The following ATXN1 variants were observed in gnomAD, a reference collection of about 807,000 sequenced individuals.
ATXN1 encodes the protein ataxin-1.
In ATXN1, 8 loss-of-function variants were observed where a neutral mutation model predicts 56.4. The ratio of observed to expected loss-of-function variants is 0.14; its 90% CI spans 0.08 to 0.26. ATXN1 has a LOEUF of 0.26. Among genes scored for constraint, ATXN1 ranks in the 10% least tolerant of loss-of-function variants. ATXN1 has a pLI of 1.00. For missense variants in ATXN1, 987 were observed against 1,106.5 expected (o/e 0.89, Z 1.53); for synonymous variants, 514 against 494.6 (o/e 1.04, Z -0.52).
intron 1 of ATXN1, among the ~76,000 whole-genome samples, chr6:16,759,928 A>C (rs1761018790): frequency 6.6e-6 from 1 of 152,118 alleles, no homozygotes; most frequent in African/African-American, 2.4e-5. Context: ...TCAGCCAAGT[A>C]GCCAAGGAAG....
chr6:16,708,057 G>A (rs888847724), intron 2 of ATXN1, among the ~76,000 whole-genome samples: 1 of 151,914 alleles, frequency 6.6e-6, no homozygotes, highest in Non-Finnish European at 1.5e-5. Context: ...GTGGTGGGGG[G>A]GAAGAATGAT....
At chr6:16,308,108 C>T (rs1561844397) in intron 7 of ATXN1, among the ~76,000 whole-genome samples, 1 of 151,938 alleles carries the variant, frequency 6.6e-6, no homozygotes, top group South Asian at 2.1e-4. Context: ...GAGCCAAGAT[C>T]GTGCCACTTT....
intron 4 of ATXN1, among the ~76,000 whole-genome samples, chr6:16,541,549 C>T (rs914825220): frequency 4.6e-5 from 7 of 152,204 alleles, no homozygotes; most frequent in African/African-American, 1.4e-4. Flanking sequence ...TGCTCAAGGG[C>T]TTTGCACGCT....
intron 6 of ATXN1, among the ~76,000 whole-genome samples, chr6:16,421,523 C>T (rs369897153): frequency 1.2e-4 from 19 of 152,140 alleles, no homozygotes; most frequent in African/African-American, 4.6e-4. Flanking sequence ...TCTGAATGGG[C>T]ATTTTTCAAA....
chr6:16,314,090 C>T (rs1010415129), intron 7 of ATXN1, among the ~76,000 whole-genome samples: 5 of 152,316 alleles, frequency 3.3e-5, no homozygotes, highest in East Asian at 3.9e-4. Context: ...AGGCACAGAT[C>T]GGATAGCTTG....
At position 16,586,751 on chromosome 6, in the gene ATXN1, T is replaced by C. The variant is rs183011828; in HGVS notation, c.-488-844A>G. Reference sequence around the variant, plus strand: ...AAAACATATCGGGGCTGGGGCATGGTGGCTCATGCCTGTAATCCCAGCACT... The same window carrying C: ...AAAACATATCGGGGCTGGGGCATGGCGGCTCATGCCTGTAATCCCAGCACT... On this transcript the variant is annotated intron_variant, in intron 3 of 7. Coordinates refer to ENST00000436367, the MANE Select transcript of ATXN1 (RefSeq NM_001128164.2). 2.1e-3 allele frequency among the ~76,000 whole-genome samples: 316 copies of C among 152,322 alleles called. 1 individual carries two copies. Among genetic ancestry groups the C allele is most frequent in the African/African-American group, 7.3e-3 (302 of 41,574 alleles).
intron 6 of ATXN1, among the ~76,000 whole-genome samples, chr6:16,372,189 A>G (rs1762053563): frequency 1.3e-5 from 2 of 152,206 alleles, no homozygotes; most frequent in Non-Finnish European, 2.9e-5. Context: ...AAATGCCAAG[A>G]AGGAGATTGT....
At chr6:16,507,498 G>A (rs900534388) in intron 5 of ATXN1, among the ~76,000 whole-genome samples, 1 of 152,164 alleles carries the variant, frequency 6.6e-6, no homozygotes, top group Non-Finnish European at 1.5e-5. Context: ...GGCTTTTCCT[G>A]TATAGAAGCT....
At chr6:16,356,725 G>A (rs1013239713) in intron 6 of ATXN1, among the ~76,000 whole-genome samples, 1 of 152,146 alleles carries the variant, frequency 6.6e-6, no homozygotes, top group Non-Finnish European at 1.5e-5. Context: ...GGGTTATCCA[G>A]TTTTTAAAAA....
intron 6 of ATXN1, among the ~76,000 whole-genome samples, chr6:16,353,819 C>T (rs964842942): frequency 6.6e-6 from 1 of 152,214 alleles, no homozygotes; most frequent in South Asian, 2.1e-4. Flanking sequence ...TGCATGAGGA[C>T]ATTACAGTGA....
At chr6:16,552,156 G>A (rs550688689) in intron 4 of ATXN1, among the ~76,000 whole-genome samples, 6 of 152,302 alleles carry the variant, frequency 3.9e-5, no homozygotes, top group African/African-American at 1.2e-4. Context: ...CTACTCACAC[G>A]TGGAGAGGCT....
intron 3 of ATXN1, among the ~76,000 whole-genome samples, chr6:16,638,445 C>CAA (rs11310261): frequency 1.0e-3 from 97 of 92,400 alleles, no homozygotes; most frequent in African/African-American, 1.5e-3. Flanking sequence ...GACGCTGCCT[C>CAA]AAAAAAAAAA....
At chr6:16,430,726 C>T (rs374358519) in intron 6 of ATXN1, among the ~76,000 whole-genome samples, 45 of 150,126 alleles carry the variant, frequency 3.0e-4, no homozygotes, top group African/African-American at 5.9e-4. Context: ...TGTGTGTGCG[C>T]GTGTGTGTGT....
At chr6:16,367,939 G>A (rs1441733025) in intron 6 of ATXN1, among the ~76,000 whole-genome samples, 2 of 152,024 alleles carry the variant, frequency 1.3e-5, no homozygotes, top group South Asian at 2.1e-4. Flanking sequence ...AGGCTGAGGC[G>A]GGTGCATCAC....
intron 3 of ATXN1, among the ~76,000 whole-genome samples, chr6:16,621,139 C>T (rs951304191): frequency 6.6e-6 from 1 of 152,172 alleles, no homozygotes; most frequent in Non-Finnish European, 1.5e-5. Flanking sequence ...AGCACCTGTT[C>T]GGAGCCCAAG....
chr6:16,658,405 C>T (rs980134529), intron 2 of ATXN1, among the ~76,000 whole-genome samples: 2 of 152,074 alleles, frequency 1.3e-5, no homozygotes, highest in Admixed American at 1.3e-4. Flanking sequence ...AGAACATTTT[C>T]CATTTTGCCC....
chr6:16,652,341 G>A (rs1488056336), intron 3 of ATXN1, among the ~76,000 whole-genome samples: 1 of 152,186 alleles, frequency 6.6e-6, no homozygotes, highest in Non-Finnish European at 1.5e-5. Context: ...TTAGGTGGCT[G>A]TTTGGAAATC....
chr6:16,347,067 G>A (rs1313390253), intron 6 of ATXN1, among the ~76,000 whole-genome samples: 2 of 152,366 alleles, frequency 1.3e-5, no homozygotes, highest in East Asian at 1.9e-4. Flanking sequence ...GGCCTTAGCT[G>A]CCTTCTGGCG....
chr6:16,625,297 C>T (rs765233373), intron 3 of ATXN1, among the ~76,000 whole-genome samples: 17 of 152,172 alleles, frequency 1.1e-4, no homozygotes, highest in Non-Finnish European at 2.4e-4. Flanking sequence ...ATACACTGAA[C>T]GAACTACATT....
Sources: allele counts gnomAD v4.1 joint callset (sites outside exome capture counted in the v4.1 genomes callset), GRCh38; gene constraint gnomAD v4.1.1; transcripts MANE v1.5; gene names NCBI Gene and HGNC (gene_info 2026-07-23, HGNC 2026-07-21).